The following EXTL3 variants were observed in gnomAD, a reference collection of about 807,000 sequenced individuals.
EXTL3 encodes the protein exostosin like glycosyltransferase 3, also known as exostosin-like 3.
EXTL3 carries 27 observed loss-of-function variants against 69.3 expected under a neutral mutation model. The ratio of observed to expected loss-of-function variants is 0.39; its 90% CI spans 0.29 to 0.54. EXTL3 has a LOEUF of 0.54. Among genes scored for constraint, EXTL3 ranks in the 20% least tolerant of loss-of-function variants. EXTL3 has a pLI of 0.69. For synonymous variants in EXTL3, 511 were observed against 499.4 expected, an observed-to-expected ratio of 1.02 and a Z score of -0.31; for missense variants, 1,003 against 1,231.8, an observed-to-expected ratio of 0.81 and a Z score of 2.78.
In EXTL3 at chr8:28,716,142, G is replaced by A. The variant is rs769451210; in HGVS notation, c.83G>A (p.Arg28His). 22 of 1,613,960 alleles carry A rather than the reference G, an allele frequency of 1.4e-5. No homozygotes were observed. The South Asian group carries it at 1.4e-4, about 10-fold the overall frequency. Residue 28 changes from arginine to histidine, a missense_variant, in exon 3 of 7, where the codon CGC becomes CAC. Arg to His is a conservative substitution (Grantham distance 29). Transcript: ENST00000220562. The surrounding 1 kb of genome is among the most constrained non-coding windows in gnomAD (Gnocchi z 7.1). Reference protein sequence around the residue: ...TCMLRWSNRIRLTWLSFTLFV... With the variant: ...TCMLRWSNRIHLTWLSFTLFV... ...ATGCTGCGCTGGTCCAACCGCATCCGCCTCACGTGGCTCAGCTTCACGCTC... is the reference window on the plus strand; with the variant it reads ...ATGCTGCGCTGGTCCAACCGCATCCACCTCACGTGGCTCAGCTTCACGCTC...
upstream of EXTL3, among the ~76,000 whole-genome samples, chr8:28,698,917 C>T (rs1007097374): frequency 4.6e-5 from 7 of 152,134 alleles, no homozygotes; most frequent in East Asian, 1.9e-4. Context: ...CACTTGAACC[C>T]GGGAGGCAGA....
At position 28,717,684 on chromosome 8, in the gene EXTL3, C is replaced by G. The variant is rs1381423064; in HGVS notation, c.1625C>G (p.Ala542Gly). Reference protein sequence around the residue: ...AMIRTRIQIPAAPIREEAAAE... With the variant: ...AMIRTRIQIPGAPIREEAAAE... ...ATTAGGACTCGCATCCAGATCCCAG[C>G]CGCTCCCATCCGGGAAGAGGCGGCA... Residue 542 changes from alanine (A) to glycine (G), a missense_variant, in exon 3 of 7, where the codon GCC (alanine) becomes GGC (glycine). Physicochemically the swap from Ala to Gly is moderately conservative, Grantham distance 60. Coordinates refer to ENST00000220562, the MANE Select transcript of EXTL3 (RefSeq NM_001440.4). The surrounding 1 kb of genome is among the most constrained non-coding windows in gnomAD (Gnocchi z 8.3). The G allele has an allele frequency of 6.2e-7, 1 of 1,614,230 alleles. No homozygotes were observed.
chr8:28,658,559 T>C (rs1357776378), intron 1 of EXTL3, among the ~76,000 whole-genome samples: 2 of 152,134 alleles, frequency 1.3e-5, no homozygotes, highest in African/African-American at 2.4e-5. Context: ...TCTTGGAGAC[T>C]CTAAAAATAT....
intron 4 of EXTL3, among the ~76,000 whole-genome samples, chr8:28,736,192 TA>T (rs373547841): frequency 6.6e-6 from 1 of 152,174 alleles, no homozygotes; most frequent in Non-Finnish European, 1.5e-5. Context: ...ATCAGTTGTC[TA>T]AAAAAACCCA....
In EXTL3 at chr8:28,743,082, A is replaced by G; in HGVS notation, c.2422-4A>G. ...GCATGTGGTTCTTTTTCTTCCCCTGACAGTATTATGCCTACCTGTATTCTT... is the reference window on the plus strand; with the variant it reads ...GCATGTGGTTCTTTTTCTTCCCCTGGCAGTATTATGCCTACCTGTATTCTT... On this transcript the variant is annotated splice_region_variant and splice_polypyrimidine_tract_variant and intron_variant, in intron 5 of 6. Coordinates refer to ENST00000220562, the MANE Select transcript of EXTL3 (RefSeq NM_001440.4). The G allele has an allele frequency of 6.2e-7, 1 of 1,613,974 alleles. No individual in the cohort carries two copies. The highest frequency in any genetic ancestry group is 8.5e-7 in the Non-Finnish European group (1 of 1,179,912).
intron 1 of EXTL3, among the ~76,000 whole-genome samples, chr8:28,683,853 T>C (rs557369915): frequency 4.7e-4 from 72 of 152,188 alleles, no homozygotes; most frequent in Non-Finnish European, 7.4e-4. Context: ...CCTGTTGTGC[T>C]ATCAAATACT....
chr8:28,710,468 G>A (rs1412951656), intron 1 of EXTL3: 5 of 456,234 alleles, frequency 1.1e-5, no homozygotes, highest in African/African-American at 2.0e-5. Context: ...CAGCATGGGT[G>A]AGAACGCAAG....
intron 6 of EXTL3, among the ~76,000 whole-genome samples, chr8:28,746,580 A>G (rs1224002238): frequency 6.6e-6 from 1 of 152,206 alleles, no homozygotes; most frequent in Non-Finnish European, 1.5e-5. Context: ...ACTTCAGTTA[A>G]TATTATAGTT....
At chr8:28,609,101 C>T (rs1181591485) in intron 2 of EXTL3, among the ~76,000 whole-genome samples, 1 of 151,580 alleles carries the variant, frequency 6.6e-6, no homozygotes, top group Non-Finnish European at 1.5e-5. Flanking sequence ...CATGCAAAGG[C>T]CCTCAGGCAG....
chr8:28,671,845 C>G (rs553429261), intron 1 of EXTL3, among the ~76,000 whole-genome samples: 4 of 152,222 alleles, frequency 2.6e-5, no homozygotes, highest in East Asian at 3.9e-4. Flanking sequence ...TGAATTCAGC[C>G]TTGCAGTGAT....
intron 1 of EXTL3, among the ~76,000 whole-genome samples, chr8:28,649,904 TG>T (rs972081511): frequency 6.6e-6 from 1 of 152,028 alleles, no homozygotes; most frequent in African/African-American, 2.4e-5. Flanking sequence ...AAAATATAGA[TG>T]TTGTTGAAAG....
At chr8:28,637,453 C>T (rs2130575837) in intron 1 of EXTL3, 1 of 152,464 alleles carries the variant, frequency 6.6e-6, no homozygotes, top group South Asian at 2.1e-4. Flanking sequence ...TCTTTCTATC[C>T]CATTCCAGCT....
At chr8:28,610,213 A>ATGTGTGTGTGTGTG (rs1307206052) in intron 2 of EXTL3, among the ~76,000 whole-genome samples, 1 of 114,188 alleles carries the variant, frequency 8.8e-6, no homozygotes, top group African/African-American at 3.8e-5. Context: ...AAAAATATGT[A>ATGTGTGTGTGTGTG]TATGTGTGTG....
At chr8:28,614,383 C>A (rs1806306861) in intron 2 of EXTL3, among the ~76,000 whole-genome samples, 1 of 147,258 alleles carries the variant, frequency 6.8e-6, no homozygotes, top group African/African-American at 2.5e-5. Context: ...AAACAATTCT[C>A]TTTCTTCAGC....
chr8:28,625,330 A>G (rs1402912123), intron 1 of EXTL3, among the ~76,000 whole-genome samples: 3 of 152,224 alleles, frequency 2.0e-5, no homozygotes, highest in African/African-American at 7.2e-5. Flanking sequence ...AACCATAAAG[A>G]CATGAGTAGC....
intron 2 of EXTL3, among the ~76,000 whole-genome samples, chr8:28,611,547 A>G (rs1341211433): frequency 6.6e-6 from 1 of 152,194 alleles, no homozygotes; most frequent in Non-Finnish European, 1.5e-5. Context: ...TCAGTTTTCT[A>G]AGTGACTTTG....
At chr8:28,700,050 A>T (rs1316376632), upstream of EXTL3, 1 of 26,076 alleles carries the variant, frequency 3.8e-5, no homozygotes, top group Admixed American at 4.1e-4. Flanking sequence ...GGAACTGTTA[A>T]AAAAAAAAAA....
rs1197389641 is a variant in EXTL3 at position 28,731,367 on chromosome 8, C to T, written c.2276+17C>T. On this transcript the variant is annotated intron_variant, in intron 4 of 6. Transcript: ENST00000220562. The stretch of plus-strand genomic sequence containing the variant: ...TGGGTTCCGGTGAGAGACTAATTTC[C>T]AATCAAAACTTTAGGTTGCAAGTGA... The T allele has an allele frequency of 2.4e-5, 38 of 1,613,992 alleles. No homozygotes were observed. The East Asian group carries it at 8.2e-4, about 35-fold the overall frequency.
intron 3 of EXTL3, among the ~76,000 whole-genome samples, chr8:28,725,755 G>A (rs1801398875): frequency 6.6e-6 from 1 of 152,184 alleles, no homozygotes; most frequent in Non-Finnish European, 1.5e-5. Flanking sequence ...ATATGCTGTA[G>A]TAACATGAAG....
Sources: gnomAD v4.1 joint callset for allele counts (sites outside exome capture counted in the v4.1 genomes callset) on GRCh38, gnomAD v4.1.1 for gene constraint, Gnocchi (gnomAD v3.1) non-coding constraint, MANE v1.5 for transcripts, NCBI Gene and HGNC (gene_info 2026-07-23, HGNC 2026-07-21) for gene names.